The following BTBD9 variants were observed in gnomAD, a reference collection of about 807,000 sequenced individuals.
BTBD9 encodes BTB domain containing 9.
A neutral mutation model predicts 64.3 loss-of-function variants in BTBD9; 49 were observed. That is an observed-to-expected ratio of 0.76 (90% CI 0.61 to 0.97). BTBD9 has a LOEUF of 0.97. Among genes scored for constraint, BTBD9 ranks in the 50% least tolerant of loss-of-function variants. The pLI, the probability that BTBD9 is intolerant of heterozygous loss-of-function variation, is 0.00. For synonymous variants in BTBD9, 260 were observed against 274.7 expected (o/e 0.95, Z 0.53); for missense variants, 598 against 762.1 (o/e 0.78, Z 2.53).
At chr6:38,620,623 A>G (rs1777951091) in intron 1 of BTBD9, among the ~76,000 whole-genome samples, 2 of 152,206 alleles carry the variant, frequency 1.3e-5, no homozygotes, top group African/African-American at 4.8e-5. Flanking sequence ...AAGGGTACAA[A>G]GCATCTAAAC....
At chr6:38,451,293 A>G (rs1297485033) in intron 6 of BTBD9, among the ~76,000 whole-genome samples, 1 of 152,216 alleles carries the variant, frequency 6.6e-6, no homozygotes, top group Non-Finnish European at 1.5e-5. Flanking sequence ...TACTTGCTCA[A>G]TGAATAAATG....
chr6:38,571,056 A>G (rs9470901), intron 6 of BTBD9, among the ~76,000 whole-genome samples: 11,669 of 152,296 alleles, frequency 0.077, 1,046 homozygotes, highest in East Asian at 0.24. Flanking sequence ...TCAAGGTTGT[A>G]GGTAGATGGA....
chr6:38,559,041 T>G (rs1308543631), intron 6 of BTBD9, among the ~76,000 whole-genome samples: 4 of 152,158 alleles, frequency 2.6e-5, no homozygotes, highest in Non-Finnish European at 4.4e-5. Flanking sequence ...GTTTTTTGGG[T>G]CTTTTTTGTT....
intron 6 of BTBD9, among the ~76,000 whole-genome samples, chr6:38,417,723 T>G (rs1375410541): frequency 6.6e-6 from 1 of 150,656 alleles, no homozygotes; most frequent in Non-Finnish European, 1.5e-5. Flanking sequence ...CAGTGAGCCC[T>G]GATTGCGCCA....
chr6:38,615,689 T>A (rs1245690996), intron 1 of BTBD9, among the ~76,000 whole-genome samples: 1 of 152,220 alleles, frequency 6.6e-6, no homozygotes, highest in Non-Finnish European at 1.5e-5. Context: ...TTCTACTCCA[T>A]TTGATTTTCT....
chr6:38,520,862 G>A (rs1171268106), intron 6 of BTBD9, among the ~76,000 whole-genome samples: 2 of 152,096 alleles, frequency 1.3e-5, no homozygotes, highest in East Asian at 1.9e-4. Flanking sequence ...TGGGAGAATT[G>A]CTTGAGCTCA....
intron 8 of BTBD9, among the ~76,000 whole-genome samples, chr6:38,272,579 T>A (rs1765232532): frequency 6.6e-6 from 1 of 152,132 alleles, no homozygotes; most frequent in Non-Finnish European, 1.5e-5. Flanking sequence ...CTAATCTCCA[T>A]GAATTTTCTG....
intron 6 of BTBD9, among the ~76,000 whole-genome samples, chr6:38,423,448 G>A (rs1767998866): frequency 6.6e-6 from 1 of 152,018 alleles, no homozygotes; most frequent in African/African-American, 2.4e-5. Context: ...GGGACTACAG[G>A]CATGTGCCAC....
intron 9 of BTBD9, among the ~76,000 whole-genome samples, chr6:38,235,379 C>A (rs1763742249): frequency 6.6e-6 from 1 of 151,666 alleles, no homozygotes; most frequent in African/African-American, 2.4e-5. Context: ...GTCACATTTC[C>A]CAGACTCAAT....
At chr6:38,476,290 C>T (rs1447915328) in intron 6 of BTBD9, among the ~76,000 whole-genome samples, 1 of 152,204 alleles carries the variant, frequency 6.6e-6, no homozygotes, top group East Asian at 1.9e-4. Context: ...AAGGCTACAT[C>T]TTCCCTTCTC....
chr6:38,280,186 T>A (rs1561965367), intron 8 of BTBD9, among the ~76,000 whole-genome samples: 2 of 152,218 alleles, frequency 1.3e-5, no homozygotes, highest in South Asian at 4.1e-4. Flanking sequence ...TATCCTGCTA[T>A]CTGTTTCCAG....
At chr6:38,267,341 T>A (rs2127542014) in intron 8 of BTBD9, among the ~76,000 whole-genome samples, 1 of 152,360 alleles carries the variant, frequency 6.6e-6, no homozygotes, top group South Asian at 2.1e-4. Flanking sequence ...ATTAAAGAGC[T>A]CAAAATGTAC....
rs567254902 is a variant in BTBD9 at position 38,246,759 on chromosome 6, G to A, written c.1562+9650C>T. On this transcript the variant is annotated intron_variant, in intron 9 of 10. Coordinates refer to ENST00000481247, the MANE Select transcript of BTBD9 (RefSeq NM_001099272.2). ...AACCAGAACTCATTAATTGGTTCAC[G>A]CTTCTAGAAGGAACAAGCAAACATA... 3.3e-5 allele frequency among the ~76,000 whole-genome samples: 5 copies of A among 152,246 alleles called. No homozygotes were observed. The South Asian group carries it at 6.2e-4, about 19-fold the overall frequency.
At chr6:38,445,270 C>T (rs1470337684) in intron 6 of BTBD9, among the ~76,000 whole-genome samples, 2 of 152,200 alleles carry the variant, frequency 1.3e-5, no homozygotes, top group African/African-American at 2.4e-5. Context: ...GATATAGTAA[C>T]ATCTGCAGGC....
chr6:38,354,154 T>G (rs980078526), intron 6 of BTBD9, among the ~76,000 whole-genome samples: 4 of 152,122 alleles, frequency 2.6e-5, no homozygotes, highest in African/African-American at 9.7e-5. Context: ...TTGCCCAAGA[T>G]GGCTTAAAAA....
intron 1 of BTBD9, among the ~76,000 whole-genome samples, chr6:38,613,649 A>G (rs747557436): frequency 1.3e-5 from 2 of 152,244 alleles, no homozygotes; most frequent in Non-Finnish European, 2.9e-5. Flanking sequence ...AATACAGCCC[A>G]TATGGACACA....
In BTBD9 at chr6:38,528,760, T is replaced by A. The variant is rs112840590; in HGVS notation, c.1154+48840A>T. Among the ~76,000 whole-genome samples the A allele has an allele frequency of 3.3e-3, 509 of 152,230 alleles. 4 individuals are homozygous for A. Among genetic ancestry groups the A allele is most frequent in the African/African-American group, 0.011 (465 of 41,530 alleles). ...GACTAAAGAGCCTTTGGGCCCTGAA[T>A]AATTAACAGGAATAGCCAGGCAGGC... is the stretch of plus-strand genomic sequence containing the variant. On this transcript the variant is annotated intron_variant, in intron 6 of 10. Coordinates refer to ENST00000481247, the MANE Select transcript of BTBD9 (RefSeq NM_001099272.2).
chr6:38,178,248 C>T (rs1281200922), intron 10 of BTBD9, among the ~76,000 whole-genome samples: 2 of 140,894 alleles, frequency 1.4e-5, no homozygotes, highest in Admixed American at 7.2e-5. Context: ...AATGGATAGG[C>T]GGGTGAAGAC....
intron 6 of BTBD9, among the ~76,000 whole-genome samples, chr6:38,508,335 C>T (rs1401283032): frequency 6.6e-6 from 1 of 152,082 alleles, no homozygotes; most frequent in Non-Finnish European, 1.5e-5. Flanking sequence ...TCCCATGACC[C>T]CAGGCTAAGA....
Sources: allele counts gnomAD v4.1 joint callset (sites outside exome capture counted in the v4.1 genomes callset), GRCh38; gene constraint gnomAD v4.1.1; transcripts MANE v1.5; gene names NCBI Gene and HGNC (gene_info 2026-07-23, HGNC 2026-07-21).